SCTR: variants seen among roughly 807,000 people sequenced by gnomAD.
SCTR encodes pancreatic secretin receptor.
In SCTR, 56 loss-of-function variants were observed where a neutral mutation model predicts 60.8. That is an observed-to-expected ratio of 0.92 (90% CI 0.74 to 1.15). SCTR has a LOEUF of 1.15. Ranked by LOEUF, SCTR falls within the 50% of genes most tolerant of loss-of-function variation. The probability of loss-of-function intolerance (pLI) is 0.00; values close to 1 mark genes in which losing one functional copy is unlikely to be tolerated. For missense variants in SCTR, 562 were observed against 550.4 expected, an observed-to-expected ratio of 1.02 and a Z score of -0.21; for synonymous variants, 202 against 217.0, an observed-to-expected ratio of 0.93 and a Z score of 0.61.
chr2:119,523,501 C>G (rs1228657008), intron 1 of SCTR, among the ~76,000 whole-genome samples: 1 of 151,408 alleles, frequency 6.6e-6, no homozygotes, highest in Non-Finnish European at 1.5e-5. Flanking sequence ...CCTGGAGCCA[C>G]CAGGCACGCA....
At chr2:119,478,583 C>T (rs758832678) in intron 3 of SCTR, among the ~76,000 whole-genome samples, 2 of 152,160 alleles carry the variant, frequency 1.3e-5, no homozygotes, top group Non-Finnish European at 2.9e-5. Flanking sequence ...CCTCCCTTAT[C>T]GCCTTCCCCA....
chr2:119,505,256 A>G (rs1558878427), intron 1 of SCTR, among the ~76,000 whole-genome samples: 1 of 150,902 alleles, frequency 6.6e-6, no homozygotes, highest in Non-Finnish European at 1.5e-5. Context: ...CGCTATTCAC[A>G]ATAGCAAAGA....
chr2:119,450,080 A>G (rs999817788), intron 9 of SCTR, among the ~76,000 whole-genome samples: 5 of 148,882 alleles, frequency 3.4e-5, no homozygotes, highest in Non-Finnish European at 7.4e-5. Context: ...AAGAAAGAAA[A>G]ATAAATAAAT....
intron 4 of SCTR, among the ~76,000 whole-genome samples, chr2:119,468,431 G>C (rs1477826217): frequency 1.3e-5 from 2 of 152,194 alleles, no homozygotes; most frequent in Admixed American, 6.5e-5. Context: ...GTGTGACCTT[G>C]AGCAAATTAT....
At position 119,439,990 on chromosome 2, in the gene SCTR, G is replaced by A. The variant is rs2104744077; in HGVS notation, c.*127C>T. The A allele has an allele frequency of 1.0e-6, 1 of 974,962 alleles. No individual in the cohort carries two copies. Among genetic ancestry groups the A allele is most frequent in the East Asian group, 2.6e-5 (1 of 38,132 alleles). The allele number at this position is 974,962 out of a possible 1,614,324, so 60.4% of individuals were successfully genotyped here. On this transcript the variant is annotated 3_prime_UTR_variant, in exon 13 of 13. Coordinates refer to ENST00000019103, the MANE Select transcript of SCTR (RefSeq NM_002980.3). ...CCCTTCGGAAGAGTCCAAGGCCTGG[G>A]GAGGGGCATCTTCAGCTGAAGGAGG...
intron 2 of SCTR, among the ~76,000 whole-genome samples, chr2:119,482,703 G>A (rs915234521): frequency 2.0e-5 from 3 of 152,162 alleles, no homozygotes; most frequent in Non-Finnish European, 4.4e-5. Context: ...GCCTGAGCAG[G>A]GTCTCGGGAA....
At chr2:119,489,464 AG>A (rs754704534) in intron 2 of SCTR, among the ~76,000 whole-genome samples, 2 of 152,190 alleles carry the variant, frequency 1.3e-5, no homozygotes, top group Non-Finnish European at 2.9e-5. Context: ...TCAAGCACTG[AG>A]GAAGAAAGAA....
intron 2 of SCTR, among the ~76,000 whole-genome samples, chr2:119,482,674 T>G (rs1344177238): frequency 6.6e-6 from 1 of 152,184 alleles, no homozygotes; most frequent in East Asian, 1.9e-4. Flanking sequence ...ACATTCCAGC[T>G]GTGGACGCTG....
At chr2:119,503,756 A>T (rs1483390068) in intron 1 of SCTR, among the ~76,000 whole-genome samples, 1 of 152,212 alleles carries the variant, frequency 6.6e-6, no homozygotes, top group Non-Finnish European at 1.5e-5. Context: ...CAAAACCCAT[A>T]GAATATACAA....
chr2:119,455,871 GC>G (rs1406424162), intron 7 of SCTR, among the ~76,000 whole-genome samples: 1 of 152,062 alleles, frequency 6.6e-6, no homozygotes, highest in Admixed American at 6.6e-5. Context: ...GACACCGTAT[GC>G]CAGGAAAAAC....
intron 3 of SCTR, 130 bp downstream of exon 3, chr2:119,478,681 G>C (rs1677449011): frequency 6.6e-6 from 5 of 754,374 alleles, no homozygotes; most frequent in Non-Finnish European, 1.1e-5. Context: ...CCTTTGCAGT[G>C]ATCTCCCCCA....
chr2:119,483,798 G>T (rs1420666809), intron 2 of SCTR, among the ~76,000 whole-genome samples: 5 of 152,202 alleles, frequency 3.3e-5, no homozygotes, highest in Non-Finnish European at 7.3e-5. Context: ...AGCACAGGAG[G>T]TGCGTGGCTC....
At chr2:119,453,184 G>A in intron 8 of SCTR, 103 bp downstream of exon 8, 2 of 880,796 alleles carry the variant, frequency 2.3e-6, no homozygotes, top group Admixed American at 1.9e-5. Flanking sequence ...CCTCTACTTT[G>A]AGAAAAAGGC....
chr2:119,498,215 T>A (rs1678420115), intron 1 of SCTR, among the ~76,000 whole-genome samples: 1 of 152,184 alleles, frequency 6.6e-6, no homozygotes, highest in African/African-American at 2.4e-5. Flanking sequence ...GATGGCACAA[T>A]ATTTTTAAAG....
chr2:119,515,921 C>A (rs4321373), intron 1 of SCTR, among the ~76,000 whole-genome samples: 80 of 152,086 alleles, frequency 5.3e-4, no homozygotes, highest in African/African-American at 1.9e-3. Flanking sequence ...TGGTAGGATC[C>A]GGACTGGAAA....
chr2:119,456,940 A>G (rs953721364), intron 7 of SCTR, among the ~76,000 whole-genome samples: 5 of 152,212 alleles, frequency 3.3e-5, no homozygotes, highest in African/African-American at 1.2e-4. Context: ...ACCAGAAGGT[A>G]GGAAAGAGAT....
intron 2 of SCTR, 43 bp from the exon 3 acceptor site, chr2:119,478,961 G>A (rs757254265): frequency 2.0e-5 from 32 of 1,612,058 alleles, no homozygotes; most frequent in South Asian, 1.5e-4. Flanking sequence ...GGGATGGACC[G>A]AGGGCTGCCC....
At chr2:119,497,311 A>G (rs1042165257) in intron 1 of SCTR, among the ~76,000 whole-genome samples, 1 of 152,044 alleles carries the variant, frequency 6.6e-6, no homozygotes, top group Non-Finnish European at 1.5e-5. Context: ...TCACCTGGTC[A>G]TAAGAAGGGA....
chr2:119,514,563 T>C (rs1345394361), intron 1 of SCTR, among the ~76,000 whole-genome samples: 1 of 152,130 alleles, frequency 6.6e-6, no homozygotes, highest in Non-Finnish European at 1.5e-5. Context: ...TGGGAGGAGA[T>C]ATAATAAAAA....
Sources: gnomAD v4.1 joint callset for allele counts (sites outside exome capture counted in the v4.1 genomes callset) on GRCh38, gnomAD v4.1.1 for gene constraint, MANE v1.5 for transcripts, NCBI Gene and HGNC (gene_info 2026-07-23, HGNC 2026-07-21) for gene names.